Variants in BFSP1 observed in about 807,000 individuals in gnomAD.
BFSP1 encodes the protein beaded filament structural protein 1.
A neutral mutation model predicts 43.9 loss-of-function variants in BFSP1; 38 were observed. That is an observed-to-expected ratio of 0.87 (90% CI 0.67 to 1.14). BFSP1 has a LOEUF of 1.14. Among genes scored for constraint, BFSP1 ranks in the 50% most tolerant of loss-of-function variants. BFSP1 has a pLI of 0.00. For missense variants in BFSP1, 850 were observed against 875.1 expected (o/e 0.97, Z 0.36); for synonymous variants, 352 against 354.8 (o/e 0.99, Z 0.09).
chr20:17,549,320 A>C (rs1568715457), intron 1 of BFSP1, among the ~76,000 whole-genome samples: 1 of 152,214 alleles, frequency 6.6e-6, no homozygotes, highest in Non-Finnish European at 1.5e-5. Context: ...AAAGAGGTTT[A>C]ATTGACTCAT....
intron 1 of BFSP1, among the ~76,000 whole-genome samples, chr20:17,545,581 A>G (rs1165282280): frequency 1.3e-5 from 2 of 151,824 alleles, no homozygotes; most frequent in Non-Finnish European, 2.9e-5. Context: ...TTTAAAATCA[A>G]CTCCATCTTA....
At chr20:17,549,053 C>T (rs2034852369) in intron 1 of BFSP1, among the ~76,000 whole-genome samples, 1 of 152,196 alleles carries the variant, frequency 6.6e-6, no homozygotes, top group South Asian at 2.1e-4. Context: ...TCAAGTGATT[C>T]CCCTGCCTTG....
intron 3 of BFSP1, among the ~76,000 whole-genome samples, chr20:17,512,381 A>G (rs533864049): frequency 1.3e-5 from 2 of 150,674 alleles, no homozygotes; most frequent in South Asian, 4.2e-4. Flanking sequence ...ATTGGTCTTC[A>G]CAAAGCCCTG....
intron 1 of BFSP1, among the ~76,000 whole-genome samples, chr20:17,554,438 C>T (rs2034957121): frequency 6.6e-6 from 1 of 152,118 alleles, no homozygotes; most frequent in South Asian, 2.1e-4. Context: ...ACACCTCAAG[C>T]CCGAGCAGAA....
At chr20:17,562,526 CAAAAAAAAAAA>C (rs550158623), upstream of BFSP1, among the ~76,000 whole-genome samples, 7 of 48,018 alleles carry the variant, frequency 1.5e-4, no homozygotes, top group African/African-American at 4.8e-4. Flanking sequence ...GACTCTGTCT[CAAAAAAAAAAA>C]AAAAAAAAAA....
At position 17,494,583 on chromosome 20, in the gene BFSP1, C is replaced by A; in HGVS notation, c.1489G>T (p.Val497Phe). The A allele has an allele frequency of 6.2e-7, 1 of 1,614,234 alleles. No homozygotes were observed. The highest frequency in any genetic ancestry group is 1.3e-5 in the African/African-American group (1 of 75,056). Residue 497 changes from valine (V) to phenylalanine (F), a missense_variant, in exon 8 of 8, where the codon GTT becomes TTT. Physicochemically the swap from Val to Phe is conservative, Grantham distance 50 (BLOSUM62 -1). Transcript: ENST00000377873. ...AGCACAGAGTCTTCCGCAACAGAAA[C>A]AGCCACCCCACCTTTAGCTGTGATG... ...SSITAKGGVAVSVAEDSVLYD... is the reference protein window; with the variant it reads ...SSITAKGGVAFSVAEDSVLYD...
At chr20:17,515,106 C>G (rs1215102589) in intron 2 of BFSP1, among the ~76,000 whole-genome samples, 1 of 152,128 alleles carries the variant, frequency 6.6e-6, no homozygotes, top group Non-Finnish European at 1.5e-5. Context: ...TAGGGTCCTT[C>G]TATTGGCAAC....
upstream of BFSP1, chr20:17,531,432 G>T (rs188623262): frequency 4.0e-6 from 5 of 1,236,322 alleles, no homozygotes; most frequent in Admixed American, 2.2e-4. Flanking sequence ...CCCCCGGCGC[G>T]CTGCTGGGAC....
upstream of BFSP1, among the ~76,000 whole-genome samples, chr20:17,561,720 G>A (rs1397326415): frequency 1.3e-5 from 2 of 152,168 alleles, no homozygotes; most frequent in African/African-American, 2.4e-5. Context: ...ATGTGTGTAT[G>A]TGTGTATGCA....
chr20:17,494,080 G>C lies in BFSP1; in HGVS notation c.1992C>G (p.Ser664Arg). 6.2e-7 allele frequency: 1 copy of C among 1,610,444 alleles called. No homozygotes were observed. The highest frequency in any genetic ancestry group is 1.1e-5 in the South Asian group (1 of 90,572). Reference protein sequence around the residue: ...KSDKKKSGEKSS With the variant: ...KSDKKKSGEKRS ...CCCATCAAGCCTGGGCATTTTAAGAGCTCTTCTCTCCTGATTTCTTCTTGT... is the reference window on the plus strand; with the variant it reads ...CCCATCAAGCCTGGGCATTTTAAGACCTCTTCTCTCCTGATTTCTTCTTGT... Residue 664 changes from serine (S) to arginine (R), a missense_variant, in exon 8 of 8, where the codon AGC (serine) becomes AGG (arginine). By Grantham distance (110) the Ser-to-Arg change is moderately radical. Coordinates refer to ENST00000377873, the MANE Select transcript of BFSP1 (RefSeq NM_001195.5).
At chr20:17,549,426 C>G (rs1251757762) in intron 1 of BFSP1, among the ~76,000 whole-genome samples, 1 of 152,126 alleles carries the variant, frequency 6.6e-6, no homozygotes, top group East Asian at 1.9e-4. Flanking sequence ...GGGGCAAGCA[C>G]GTTTTACATC....
chr20:17,504,380 G>A (rs1471977799), intron 5 of BFSP1, among the ~76,000 whole-genome samples: 1 of 152,106 alleles, frequency 6.6e-6, no homozygotes, highest in Non-Finnish European at 1.5e-5. Context: ...CCTGTCTCAG[G>A]AGCTCAACAG....
chr20:17,558,562 C>T (rs967443028), intron 1 of BFSP1: 12 of 1,045,816 alleles, frequency 1.1e-5, no homozygotes, highest in Non-Finnish European at 1.5e-5. Context: ...TTCCATGAGT[C>T]ATAAAACAAA....
upstream of BFSP1, among the ~76,000 whole-genome samples, chr20:17,561,004 G>T (rs1353028142): frequency 2.0e-5 from 3 of 152,118 alleles, no homozygotes; most frequent in African/African-American, 7.2e-5. Flanking sequence ...GGTTTACTGT[G>T]AAATTTCTAG....
chr20:17,528,537 G>T (rs377414907), intron 1 of BFSP1, among the ~76,000 whole-genome samples: 12 of 152,252 alleles, frequency 7.9e-5, no homozygotes, highest in South Asian at 6.2e-4. Flanking sequence ...TCTGAATGAG[G>T]TCCTATTTCT....
intron 1 of BFSP1, among the ~76,000 whole-genome samples, chr20:17,553,862 C>CATATATATACATATATATAT (rs2034945810): frequency 2.2e-5 from 2 of 92,772 alleles, no homozygotes; most frequent in African/African-American, 4.7e-5. Flanking sequence ...TATATATACA[C>CATATATATACATATATATAT]ATATATATAC....
chr20:17,547,190 A>G (rs1466473574), intron 1 of BFSP1, among the ~76,000 whole-genome samples: 1 of 151,954 alleles, frequency 6.6e-6, no homozygotes, highest in Non-Finnish European at 1.5e-5. Flanking sequence ...AAATATAATT[A>G]AGGAAAAAAT....
At chr20:17,513,293 CT>C (rs2034129964) in intron 3 of BFSP1, among the ~76,000 whole-genome samples, 1 of 152,164 alleles carries the variant, frequency 6.6e-6, no homozygotes, top group African/African-American at 2.4e-5. Flanking sequence ...CTACCTAGAG[CT>C]CTGCTTAGAG....
At chr20:17,523,458 A>C (rs928957275) in intron 2 of BFSP1, among the ~76,000 whole-genome samples, 1 of 151,922 alleles carries the variant, frequency 6.6e-6, no homozygotes, top group Non-Finnish European at 1.5e-5. Flanking sequence ...GGTTGCACAA[A>C]ACAGAAGAAT....
Sources: allele counts gnomAD v4.1 joint callset (sites outside exome capture counted in the v4.1 genomes callset), GRCh38; gene constraint gnomAD v4.1.1; transcripts MANE v1.5; gene names NCBI Gene and HGNC (gene_info 2026-07-23, HGNC 2026-07-21).